Variants in OVCH1 observed in about 807,000 individuals in gnomAD.
The protein encoded by OVCH1 is ovochymase 1.
OVCH1 carries 139 observed loss-of-function variants against 138.4 expected under a neutral mutation model. The ratio of observed to expected loss-of-function variants is 1.00; its 90% CI spans 0.87 to 1.16. OVCH1 has a LOEUF of 1.16. Among genes scored for constraint, OVCH1 ranks in the 50% most tolerant of loss-of-function variants. The pLI is 0.00. For missense variants in OVCH1, 1,367 were observed against 1,357.9 expected, an observed-to-expected ratio of 1.01 and a Z score of -0.11; for synonymous variants, 453 against 467.8, an observed-to-expected ratio of 0.97 and a Z score of 0.41.
rs35540929 is a variant in OVCH1, at chr12:29,413,024, CTT to C, written c.*72-301_*72-300del. ...CATGCACTATCACATCCAGCTAATT[CTT>C]TTTTTTTTTTTTTCTTTTGGAGATG... On this transcript the variant is annotated intron_variant and NMD_transcript_variant, in intron 3 of 4. Coordinates refer to the OVCH1 transcript ENST00000539117. Among the ~76,000 whole-genome samples, 178 of 140,888 alleles carry C rather than the reference CTT, an allele frequency of 1.3e-3. 1 individual carries two copies. Among genetic ancestry groups the C allele is most frequent in the Middle Eastern group, 0.011 (3 of 272 alleles). 92.4% of individuals were successfully genotyped at this position (140,888 alleles called of 152,430 possible). A position where few individuals can be genotyped will look rare whatever the true frequency, so the allele number is the denominator to read the frequency against.
intron 21 of OVCH1, among the ~76,000 whole-genome samples, chr12:29,453,625 C>T (rs1941859905): frequency 6.6e-6 from 1 of 152,116 alleles, no homozygotes; most frequent in African/African-American, 2.4e-5. Flanking sequence ...TCTATCCTAC[C>T]TTATTTTTGT....
intron 9 of OVCH1, among the ~76,000 whole-genome samples, chr12:29,478,500 G>A (rs1214377253): frequency 6.6e-6 from 1 of 152,120 alleles, no homozygotes; most frequent in Non-Finnish European, 1.5e-5. Flanking sequence ...ACTTGAGAAA[G>A]GAATGTGGGA....
intron 8 of OVCH1, among the ~76,000 whole-genome samples, chr12:29,479,917 A>G (rs1043379714): frequency 1.4e-5 from 2 of 145,488 alleles, no homozygotes; most frequent in Middle Eastern, 3.8e-3. Context: ...TACACCTCCC[A>G]GGTTCAAGCG....
At chr12:29,487,276 T>G (rs1565610942) in intron 7 of OVCH1, 1 of 167,644 alleles carries the variant, frequency 6.0e-6, no homozygotes, top group Non-Finnish European at 1.3e-5. Flanking sequence ...CCAAATTAAC[T>G]CTCCAAGGCC....
At chr12:29,479,824 C>CTTTTTTTT (rs34551074) in intron 8 of OVCH1, among the ~76,000 whole-genome samples, 2 of 128,384 alleles carry the variant, frequency 1.6e-5, no homozygotes, top group Admixed American at 8.6e-5. Context: ...TCTTTTTTTT[C>CTTTTTTTT]TTTTTTTTTT....
chr12:29,422,090 T>G lies in OVCH1; in HGVS notation c.*71+1037A>C, dbSNP rs187259659. Among the ~76,000 whole-genome samples, 952 of 152,226 alleles carry G rather than the reference T, an allele frequency of 6.3e-3. 5 individuals carry two copies. The highest frequency in any genetic ancestry group is 0.022 in the African/African-American group (906 of 41,520). On this transcript the variant is annotated intron_variant and NMD_transcript_variant, in intron 3 of 4. Transcript: ENST00000539117. ...CAAAACTGTTTTCACTGCATTAAGG[T>G]TTAAGGGTGGATTTTAATCCACATT... is the stretch of plus-strand genomic sequence containing the variant.
intron 14 of OVCH1, among the ~76,000 whole-genome samples, chr12:29,474,102 C>CAT (rs1003599644): frequency 3.3e-5 from 5 of 150,070 alleles, no homozygotes; most frequent in African/African-American, 1.2e-4. Flanking sequence ...CACACACACA[C>CAT]ACATATATAT....
At chr12:29,481,973 A>G (rs1268607617) in intron 8 of OVCH1, among the ~76,000 whole-genome samples, 9 of 152,346 alleles carry the variant, frequency 5.9e-5, no homozygotes, top group African/African-American at 2.2e-4. Context: ...GGATGACTGC[A>G]TCATCTTTTA....
intron 26 of OVCH1, among the ~76,000 whole-genome samples, chr12:29,433,992 T>G (rs1941314054): frequency 6.6e-6 from 1 of 150,850 alleles, no homozygotes; most frequent in South Asian, 2.1e-4. Flanking sequence ...CTAATAAATA[T>G]TCAGAATTAA....
chr12:29,482,310 A>T (rs759688121), intron 8 of OVCH1, among the ~76,000 whole-genome samples: 2 of 151,966 alleles, frequency 1.3e-5, no homozygotes, highest in Non-Finnish European at 2.9e-5. Flanking sequence ...TTCCAAAATG[A>T]TCATATAATT....
At chr12:29,455,379 A>G (rs1941918780) in exon 20 of OVCH1, 1 of 1,612,358 alleles carries the variant, frequency 6.2e-7, no homozygotes, top group Non-Finnish European at 8.5e-7. Context: ...TTTCATGTCT[A>G]CATACTAGTG....
At chr12:29,405,021 CAAAAAAAAAAAAAAAAAAAAA>C in the OVCH1 span, among the ~76,000 whole-genome samples, 4 of 80,440 alleles carry the variant, frequency 5.0e-5, no homozygotes, top group African/African-American at 2.8e-4. Context: ...CACTCCACCT[CAAAAAAAAAAAAAAAAAAAAA>C]AAAAAAAAAA....
At chr12:29,415,918 A>G (rs1941024756) in intron 3 of OVCH1, among the ~76,000 whole-genome samples, 1 of 152,160 alleles carries the variant, frequency 6.6e-6, no homozygotes, top group African/African-American at 2.4e-5. Flanking sequence ...GTACAATAAT[A>G]TGTAGTAGTA....
chr12:29,465,242 A>C (rs1196239049), intron 16 of OVCH1, 23 bp from the exon 17 acceptor site: 1 of 1,563,870 alleles, frequency 6.4e-7, no homozygotes, highest in Admixed American at 1.9e-5. Flanking sequence ...GAACAGTGAA[A>C]GTTTGACATG....
chr12:29,491,272 T>G, intron 4 of OVCH1, 80 bp from the exon 5 acceptor site: 1 of 1,189,388 alleles, frequency 8.4e-7, no homozygotes. Flanking sequence ...ATCTCTTGAT[T>G]TCATGGCTTC....
chr12:29,430,902 A>T (rs746623737), intron 27 of OVCH1: 5 of 518,232 alleles, frequency 9.6e-6, no homozygotes, highest in Non-Finnish European at 1.5e-5. Flanking sequence ...TTTTCCCAGT[A>T]CCTCTAGCTG....
At chr12:29,470,463 GCA>G in intron 16 of OVCH1, among the ~76,000 whole-genome samples, 1 of 152,116 alleles carries the variant, frequency 6.6e-6, no homozygotes, top group Non-Finnish European at 1.5e-5. Context: ...GTGAGAACAT[GCA>G]TTGTTTGGTT....
intron 16 of OVCH1, among the ~76,000 whole-genome samples, chr12:29,465,449 C>T (rs73278755): frequency 0.01 from 1,574 of 152,236 alleles, 26 homozygotes; most frequent in African/African-American, 0.035. Flanking sequence ...CATCTTATCA[C>T]AGCAAAGCAG....
At chr12:29,442,713 CTCTT>C (rs983447048) in intron 25 of OVCH1, among the ~76,000 whole-genome samples, 8 of 152,004 alleles carry the variant, frequency 5.3e-5, no homozygotes, top group South Asian at 4.1e-4. Context: ...TCCTTTTCCT[CTCTT>C]TATGTTTTTC....
Sources: gnomAD v4.1 joint callset for allele counts (sites outside exome capture counted in the v4.1 genomes callset) on GRCh38, gnomAD v4.1.1 for gene constraint, MANE v1.5 for transcripts, NCBI Gene and HGNC (gene_info 2026-07-23, HGNC 2026-07-21) for gene names.